KATNIP: variants seen among roughly 807,000 people sequenced by gnomAD.
The protein encoded by KATNIP is katanin interacting protein, also known as katanin-interacting protein.
A neutral mutation model predicts 174.0 loss-of-function variants in KATNIP; 126 were observed. That is an observed-to-expected ratio of 0.72 (90% CI 0.63 to 0.84). The LOEUF (loss-of-function observed/expected upper bound fraction) is 0.84. KATNIP is among the 40% of genes least tolerant of loss of function. The probability of loss-of-function intolerance (pLI) is 0.00; values close to 1 mark genes in which losing one functional copy is unlikely to be tolerated. For synonymous variants in KATNIP, 810 were observed against 835.7 expected, an observed-to-expected ratio of 0.97 and a Z score of 0.53; for missense variants, 1,958 against 2,109.7, an observed-to-expected ratio of 0.93 and a Z score of 1.41.
intron 2 of KATNIP, among the ~76,000 whole-genome samples, chr16:27,610,003 T>A (rs2075841844): frequency 6.6e-6 from 1 of 151,898 alleles, no homozygotes; most frequent in African/African-American, 2.4e-5. Flanking sequence ...TTGGCGGGTG[T>A]TGAGGACACT....
chr16:27,560,795 C>T (rs530543497), intron 1 of KATNIP, among the ~76,000 whole-genome samples: 1 of 152,336 alleles, frequency 6.6e-6, no homozygotes. Context: ...TAGAGACTCA[C>T]TTCTTTCCTT....
chr16:27,687,886 A>G (rs2078579959), intron 8 of KATNIP, among the ~76,000 whole-genome samples: 1 of 152,212 alleles, frequency 6.6e-6, no homozygotes, highest in Admixed American at 6.5e-5. Flanking sequence ...GCCAAAGTCC[A>G]GAGACTCTTA....
At chr16:27,730,201 C>G (rs2080616395) in intron 14 of KATNIP, among the ~76,000 whole-genome samples, 1 of 152,270 alleles carries the variant, frequency 6.6e-6, no homozygotes, top group Non-Finnish European at 1.5e-5. Context: ...AGGCTGTGCA[C>G]TGGTTACCAG....
intron 13 of KATNIP, among the ~76,000 whole-genome samples, chr16:27,715,128 A>C (rs770261937): frequency 6.6e-6 from 1 of 152,240 alleles, no homozygotes; most frequent in Non-Finnish European, 1.5e-5. Flanking sequence ...AGCATCCATA[A>C]GTAAACCCAT....
At chr16:27,757,058 A>G (rs1410032723) in intron 18 of KATNIP, among the ~76,000 whole-genome samples, 2 of 152,028 alleles carry the variant, frequency 1.3e-5, no homozygotes, top group Non-Finnish European at 2.9e-5. Context: ...TCATGTACCC[A>G]TTCTCTTTTT....
chr16:27,623,885 G>A (rs2076261281), intron 3 of KATNIP, among the ~76,000 whole-genome samples: 1 of 152,166 alleles, frequency 6.6e-6, no homozygotes, highest in African/African-American at 2.4e-5. Flanking sequence ...TGTGTTCAAA[G>A]GGCCCTTGTG....
At chr16:27,762,393 T>C (rs555572730) in intron 19 of KATNIP, among the ~76,000 whole-genome samples, 32 of 152,328 alleles carry the variant, frequency 2.1e-4, no homozygotes, top group Middle Eastern at 3.4e-3. Context: ...AGGTGACACA[T>C]GTTCATCCAT....
At chr16:27,660,722 A>T (rs542139844) in intron 6 of KATNIP, among the ~76,000 whole-genome samples, 1 of 151,112 alleles carries the variant, frequency 6.6e-6, no homozygotes, top group South Asian at 2.1e-4. Flanking sequence ...ATTATAGTGC[A>T]CTACAGCCTC....
chr16:27,662,502 G>A (rs968920976), intron 6 of KATNIP, among the ~76,000 whole-genome samples: 1 of 152,054 alleles, frequency 6.6e-6, no homozygotes, highest in Admixed American at 6.6e-5. Context: ...TGGGCAGGTG[G>A]GTCAGACAGC....
chr16:27,660,598 A>T (rs2077442984), intron 6 of KATNIP, among the ~76,000 whole-genome samples: 1 of 151,402 alleles, frequency 6.6e-6, no homozygotes, highest in African/African-American at 2.4e-5. Context: ...GGAGTAGACG[A>T]TACATAATAG....
At chr16:27,748,821 A>G (rs2081385086) in intron 15 of KATNIP, among the ~76,000 whole-genome samples, 1 of 152,160 alleles carries the variant, frequency 6.6e-6, no homozygotes, top group Non-Finnish European at 1.5e-5. Context: ...AAAGTAATGC[A>G]TGAAGGGAAT....
intron 10 of KATNIP, 70 bp from the exon 11 acceptor site, chr16:27,701,519 G>A (rs1474897488): frequency 9.0e-6 from 11 of 1,221,998 alleles, no homozygotes; most frequent in South Asian, 1.3e-5. Context: ...GCCCTTGACC[G>A]TGACCCTGCT....
At chr16:27,760,305 T>C (rs1459676050) in intron 18 of KATNIP, among the ~76,000 whole-genome samples, 1 of 152,118 alleles carries the variant, frequency 6.6e-6, no homozygotes, top group African/African-American at 2.4e-5. Context: ...GGGTTTATTG[T>C]GTTTGGTCTT....
intron 1 of KATNIP, among the ~76,000 whole-genome samples, chr16:27,569,237 T>TG (rs1270848386): frequency 2.0e-5 from 3 of 152,210 alleles, no homozygotes; most frequent in African/African-American, 7.2e-5. Flanking sequence ...TCCAAGAAGA[T>TG]GCGACTCCCC....
At chr16:27,687,620 G>A (rs928222374) in intron 8 of KATNIP, 2 of 152,142 alleles carry the variant, frequency 1.3e-5, no homozygotes, top group Admixed American at 1.3e-4. Context: ...AAGCCTTCCA[G>A]AAAAGCTAAT....
chr16:27,734,117 C>T (rs576792771), intron 14 of KATNIP, among the ~76,000 whole-genome samples: 1 of 151,964 alleles, frequency 6.6e-6, no homozygotes, highest in Admixed American at 6.5e-5. Flanking sequence ...GAGTTTCCCT[C>T]TTTTGCCCAG....
At chr16:27,648,899 C>G (rs1567251357) in intron 6 of KATNIP, among the ~76,000 whole-genome samples, 164 bp downstream of exon 6, 1 of 152,190 alleles carries the variant, frequency 6.6e-6, no homozygotes, top group Non-Finnish European at 1.5e-5. Flanking sequence ...ATGAGCAGAC[C>G]TTGGGCTAGA....
At position 27,775,075 on chromosome 16, in the gene KATNIP, G is replaced by A. The variant is rs756341310; in HGVS notation, c.4440G>A (p.Leu1480=). The A allele has an allele frequency of 9.3e-6, 15 of 1,611,360 alleles. No homozygotes were observed. Among genetic ancestry groups the A allele is most frequent in the Non-Finnish European group, 1.2e-5 (14 of 1,179,362 alleles). The stretch of plus-strand genomic sequence containing the variant: ...GGCACATGTGGCTGGCTCCCATCCT[G>A]CCGGGCCTGGTGGGTTCCCGGCAGC... ...DGRHMWLAPI[L]PGLVNRVYVI... is the part of the protein sequence containing the mutation. Residue 1480 remains leucine (L), a synonymous_variant, in exon 24 of 28, where the codon CTG becomes CTA. Transcript: ENST00000261588.
chr16:27,654,493 AT>A (rs1476094363), intron 6 of KATNIP: 1 of 873,040 alleles, frequency 1.1e-6, no homozygotes, highest in Admixed American at 2.1e-5. Flanking sequence ...GCAGAGGGTG[AT>A]TTAATGAGGA....
Sources: allele counts gnomAD v4.1 joint callset (sites outside exome capture counted in the v4.1 genomes callset), GRCh38; gene constraint gnomAD v4.1.1; transcripts MANE v1.5; gene names NCBI Gene and HGNC (gene_info 2026-07-23, HGNC 2026-07-21).